The following KCNQ5 variants were observed in gnomAD, a reference collection of about 807,000 sequenced individuals.
KCNQ5 encodes the protein potassium voltage-gated channel subfamily Q member 5, also known as potassium voltage-gated channel subfamily KQT member 5.
Under a neutral mutation model 98.2 loss-of-function variants are expected in KCNQ5, and 30 were observed. The ratio of observed to expected loss-of-function variants is 0.31; its 90% CI spans 0.23 to 0.41. KCNQ5 has a LOEUF of 0.41. Among genes scored for constraint, KCNQ5 ranks in the 10% least tolerant of loss-of-function variants. KCNQ5 has a pLI of 1.00. For missense variants in KCNQ5, 835 were observed against 1,182.5 expected (o/e 0.71, Z 4.31); for synonymous variants, 458 against 449.4 (o/e 1.02, Z -0.24).
chr6:72,898,235 G>C (rs1440391430), intron 1 of KCNQ5, among the ~76,000 whole-genome samples: 2 of 152,076 alleles, frequency 1.3e-5, no homozygotes, highest in Non-Finnish European at 2.9e-5. Flanking sequence ...TGTGTGCCAT[G>C]GTGGTTTGCT....
At chr6:72,894,888 C>T (rs1581971942) in intron 1 of KCNQ5, among the ~76,000 whole-genome samples, 1 of 151,986 alleles carries the variant, frequency 6.6e-6, no homozygotes, top group East Asian at 1.9e-4. Context: ...CATAGCCACA[C>T]AACTATTATG....
At chr6:72,794,995 A>G (rs1392911637) in intron 1 of KCNQ5, among the ~76,000 whole-genome samples, 1 of 152,152 alleles carries the variant, frequency 6.6e-6, no homozygotes, top group Non-Finnish European at 1.5e-5. Context: ...CAAGGAATTG[A>G]ATTTTGTTAA....
intron 3 of KCNQ5, among the ~76,000 whole-genome samples, chr6:73,063,150 T>C (rs997103793): frequency 2.0e-5 from 3 of 152,354 alleles, no homozygotes; most frequent in Admixed American, 6.5e-5. Flanking sequence ...TATAAAAGAT[T>C]CCTAAGTTGT....
At chr6:72,952,789 G>A (rs1039553745) in intron 1 of KCNQ5, among the ~76,000 whole-genome samples, 1 of 152,060 alleles carries the variant, frequency 6.6e-6, no homozygotes, top group South Asian at 2.1e-4. Flanking sequence ...CCTTTCTCGG[G>A]AATCTTCCCT....
At chr6:73,058,645 A>G (rs1772634561) in intron 3 of KCNQ5, among the ~76,000 whole-genome samples, 1 of 152,234 alleles carries the variant, frequency 6.6e-6, no homozygotes, top group South Asian at 2.1e-4. Context: ...ATAGGAGAAA[A>G]TATTTGCAAA....
intron 1 of KCNQ5, among the ~76,000 whole-genome samples, chr6:72,966,328 G>A (rs2150276319): frequency 6.6e-6 from 1 of 152,208 alleles, no homozygotes; most frequent in East Asian, 1.9e-4. Flanking sequence ...GGAGGCCAAG[G>A]CGGGCGGATC....
At chr6:72,745,870 C>G (rs1364081777) in intron 1 of KCNQ5, among the ~76,000 whole-genome samples, 1 of 152,046 alleles carries the variant, frequency 6.6e-6, no homozygotes, top group Non-Finnish European at 1.5e-5. Context: ...CCTAGCAATC[C>G]TTGACCTGTG....
chr6:73,005,041 A>G (rs1769754779), intron 2 of KCNQ5, among the ~76,000 whole-genome samples: 1 of 152,210 alleles, frequency 6.6e-6, no homozygotes, highest in Non-Finnish European at 1.5e-5. Context: ...TTTGTACTCA[A>G]GGTTGCTAAG....
intron 8 of KCNQ5, among the ~76,000 whole-genome samples, chr6:73,124,272 A>G (rs1775859473): frequency 6.6e-6 from 1 of 152,234 alleles, no homozygotes; most frequent in Admixed American, 6.5e-5. Context: ...GGCTTTGCCA[A>G]GTAAATGTTG....
At chr6:73,158,261 T>TTTTGTTGTTA (rs1554216887) in intron 10 of KCNQ5, 1 of 169,258 alleles carries the variant, frequency 5.9e-6, no homozygotes, top group Non-Finnish European at 1.2e-5. Context: ...AAGATTTTTT[T>TTTTGTTGTTA]TTTTTTTTTT....
intron 1 of KCNQ5, among the ~76,000 whole-genome samples, chr6:72,869,075 G>T (rs1778102430): frequency 6.6e-6 from 1 of 152,122 alleles, no homozygotes; most frequent in South Asian, 2.1e-4. Context: ...TTGTATGCCT[G>T]TATCAAAACA....
intron 5 of KCNQ5, among the ~76,000 whole-genome samples, chr6:73,087,772 A>G (rs1344928230): frequency 6.6e-6 from 1 of 152,220 alleles, no homozygotes; most frequent in Non-Finnish European, 1.5e-5. Flanking sequence ...CATGGAAGTG[A>G]AGAGAAGAGT....
At chr6:72,787,563 G>T (rs1582289693) in intron 1 of KCNQ5, among the ~76,000 whole-genome samples, 1 of 152,104 alleles carries the variant, frequency 6.6e-6, no homozygotes, top group Middle Eastern at 3.4e-3. Context: ...ATTGAATGCT[G>T]TAGCCAATCT....
chr6:73,155,550 G>T (rs1312551313), intron 10 of KCNQ5, among the ~76,000 whole-genome samples: 1 of 152,208 alleles, frequency 6.6e-6, no homozygotes, highest in Non-Finnish European at 1.5e-5. Flanking sequence ...TATAAGATGA[G>T]GCTGAATGGG....
At chr6:72,943,229 T>C (rs1361860076) in intron 1 of KCNQ5, among the ~76,000 whole-genome samples, 1 of 152,214 alleles carries the variant, frequency 6.6e-6, no homozygotes, top group Non-Finnish European at 1.5e-5. Flanking sequence ...CCTTGTGCCA[T>C]ACAGAATCTG....
At chr6:72,714,448 C>T (rs1023839964) in intron 1 of KCNQ5, among the ~76,000 whole-genome samples, 3 of 151,900 alleles carry the variant, frequency 2.0e-5, no homozygotes, top group Non-Finnish European at 4.4e-5. Flanking sequence ...GGAAATGGAT[C>T]CTCCACTAAA....
intron 1 of KCNQ5, among the ~76,000 whole-genome samples, chr6:72,869,398 T>TAA (rs1778117435): frequency 6.6e-6 from 1 of 152,132 alleles, no homozygotes; most frequent in Non-Finnish European, 1.5e-5. Flanking sequence ...AAAATGAAAA[T>TAA]ATTAGGTTAG....
At chr6:72,649,726 A>G (rs2154472336) in intron 1 of KCNQ5, among the ~76,000 whole-genome samples, 1 of 152,270 alleles carries the variant, frequency 6.6e-6, no homozygotes, top group Admixed American at 6.5e-5. Context: ...CAGATGAAGC[A>G]TTACACGTGA....
chr6:73,121,902 G>A (rs553456623), intron 8 of KCNQ5, among the ~76,000 whole-genome samples: 2 of 152,260 alleles, frequency 1.3e-5, no homozygotes, highest in South Asian at 2.1e-4. Flanking sequence ...CCTGGTGGGT[G>A]GTATCTAAAA....
Sources: gnomAD v4.1 joint callset for allele counts (sites outside exome capture counted in the v4.1 genomes callset) on GRCh38, gnomAD v4.1.1 for gene constraint, MANE v1.5 for transcripts, NCBI Gene and HGNC (gene_info 2026-07-23, HGNC 2026-07-21) for gene names.